Variants in CYB5RL observed in about 807,000 individuals in gnomAD.
The protein encoded by CYB5RL is NADH-cytochrome b5 reductase-like.
A neutral mutation model predicts 37.5 loss-of-function variants in CYB5RL; 38 were observed. That is an observed-to-expected ratio of 1.01 (90% CI 0.78 to 1.33). The LOEUF (loss-of-function observed/expected upper bound fraction) is 1.33. Ranked by LOEUF, CYB5RL falls within the 40% of genes most tolerant of loss-of-function variation. The pLI is 0.00. For synonymous variants in CYB5RL, 141 were observed against 151.9 expected (o/e 0.93, Z 0.53); for missense variants, 388 against 394.4 (o/e 0.98, Z 0.14).
rs1659935142 is a variant in CYB5RL at position 54,173,225 on chromosome 1, C to T, written c.*1394G>A. The T allele has an allele frequency of 6.6e-6, 1 of 152,124 alleles. No individual in the cohort carries two copies. Among genetic ancestry groups the T allele is most frequent in the African/African-American group, 2.4e-5 (1 of 41,432 alleles). The allele number at this position is 152,124 out of a possible 1,614,324, so 9.4% of individuals were successfully genotyped here. The stretch of plus-strand genomic sequence containing the variant: ...TGTGACACAGCAGAGAGATTTGTTG[C>T]CATTTTTTTTAGTGGCTAGGAAAAT... On this transcript the variant is annotated 3_prime_UTR_variant, in exon 8 of 8. Transcript: ENST00000534324.
At chr1:54,184,366 T>G (rs1281427760) in intron 5 of CYB5RL, 101 bp from the exon 6 acceptor site, 10 of 941,448 alleles carry the variant, frequency 1.1e-5, no homozygotes, top group Admixed American at 7.0e-5. Context: ...GCTAAGTGCT[T>G]CACATGTGTT....
chr1:54,187,526 C>T, intron 5 of CYB5RL, 126 bp downstream of exon 5: 1 of 842,118 alleles, frequency 1.2e-6, no homozygotes, highest in Non-Finnish European at 1.9e-6. Context: ...GACTTACTTC[C>T]CCAATTGCCT....
chr1:54,179,726 A>T (rs1660111026), intron 6 of CYB5RL, among the ~76,000 whole-genome samples: 1 of 152,048 alleles, frequency 6.6e-6, no homozygotes, highest in Admixed American at 6.6e-5. Context: ...TTTGCCAGGG[A>T]GGTCTTTACA....
At chr1:54,175,149 T>G (rs372108224) in intron 7 of CYB5RL, among the ~76,000 whole-genome samples, 1 of 152,200 alleles carries the variant, frequency 6.6e-6, no homozygotes, top group Non-Finnish European at 1.5e-5. Flanking sequence ...GTGGGACGGA[T>G]GTTTTCTCCC....
In CYB5RL at chr1:54,190,783, C is replaced by G; in HGVS notation, c.312G>C (p.Gln104His). ...RVRFALPGNS[Q>H]LGLRPGQHLI... ...GGTGCTGGCCGGGCCGCAGGCCAAG[C>G]TGGCTGTTCCCGGGTAGAGCAAACC... Residue 104 changes from glutamine (Q) to histidine (H), a missense_variant, in exon 4 of 8, where the codon CAG becomes CAC. Gln to His is a conservative substitution (Grantham distance 24). Coordinates refer to ENST00000534324, the MANE Select transcript of CYB5RL (RefSeq NM_001031672.4). The G allele has an allele frequency of 6.4e-7, 1 of 1,563,124 alleles. No individual in the cohort carries two copies. The highest frequency in any genetic ancestry group is 8.7e-7 in the Non-Finnish European group (1 of 1,153,808).
At chr1:54,177,240 A>C (rs1660043500) in intron 7 of CYB5RL, among the ~76,000 whole-genome samples, 1 of 152,044 alleles carries the variant, frequency 6.6e-6, no homozygotes, top group Non-Finnish European at 1.5e-5. Context: ...GAGACTCTTG[A>C]GGATGCTGCA....
At position 54,198,027 on chromosome 1, in the gene CYB5RL, C is replaced by CAAAA. The variant is rs575486117; in HGVS notation, c.-222-1540_-222-1537dup. On this transcript the variant is annotated intron_variant, in intron 1 of 7. Coordinates refer to ENST00000534324, the MANE Select transcript of CYB5RL (RefSeq NM_001031672.4). Reference sequence around the variant, plus strand: ...TGGGTGACAGAGTGAGACTCTGTCTCAAAAAAAAAAAAAAAAAAAAAAAAA... The same window carrying CAAAA: ...TGGGTGACAGAGTGAGACTCTGTCTCAAAAAAAAAAAAAAAAAAAAAAAAAAAAA... Among the ~76,000 whole-genome samples the CAAAA allele has an allele frequency of 1.1e-3, 84 of 78,498 alleles. 2 individuals are homozygous for CAAAA. Among genetic ancestry groups the CAAAA allele is most frequent in the African/African-American group, 4.2e-3 (73 of 17,410 alleles). The allele number at this position is 78,498 out of a possible 152,430, so 51.5% of individuals were successfully genotyped here.
chr1:54,198,348 T>C lies in CYB5RL; in HGVS notation c.-223+1628A>G, dbSNP rs2100491598. On this transcript the variant is annotated intron_variant, in intron 1 of 7. Transcript: ENST00000534324. ...TTTTCTTTCTTTCTTTTTTTTTTTT[T>C]TGAGACAAGAGTCTCGCTCTGTTGC... Among the ~76,000 whole-genome samples the C allele has an allele frequency of 1.3e-5, 2 of 151,760 alleles. 1 individual carries two copies. The highest frequency in any genetic ancestry group is 6.8e-3 in the Middle Eastern group (2 of 292).
At chr1:54,195,349 G>A (rs796234474) in intron 3 of CYB5RL, 70 bp downstream of exon 3, 4 of 1,446,216 alleles carry the variant, frequency 2.8e-6, no homozygotes, top group African/African-American at 1.4e-5. Context: ...CTTCCTAGAG[G>A]TGTGCTTTGC....
Position 54,171,011 on chromosome 1 carries a change from G to A in CYB5RL, c.*3608C>T, listed in dbSNP as rs139944893. 3,578 of 400,304 alleles carry A rather than the reference G, an allele frequency of 8.9e-3. 38 individuals are homozygous for A. Among genetic ancestry groups the A allele is most frequent in the Non-Finnish European group, 0.011 (2,146 of 195,438 alleles). The allele number at this position is 400,304 out of a possible 1,614,324, so 24.8% of individuals were successfully genotyped here. On this transcript the variant is annotated 3_prime_UTR_variant, in exon 8 of 8. Coordinates refer to ENST00000534324, the MANE Select transcript of CYB5RL (RefSeq NM_001031672.4). ...TGCTGAGCATCCTCCCCTGTTAGGG[G>A]TACAATGGGCCGGCCCTCATGCTCA... is the stretch of plus-strand genomic sequence containing the variant.
intron 6 of CYB5RL, 141 bp from the exon 7 acceptor site, chr1:54,179,493 C>CT: frequency 1.3e-6 from 1 of 787,224 alleles, no homozygotes; most frequent in Non-Finnish European, 2.0e-6. Flanking sequence ...TGTCCCCTCT[C>CT]TACCTCCTCC....
chr1:54,176,649 T>C (rs1660026870), intron 7 of CYB5RL, among the ~76,000 whole-genome samples: 1 of 152,238 alleles, frequency 6.6e-6, no homozygotes, highest in African/African-American at 2.4e-5. Flanking sequence ...ACCCACCAGA[T>C]GGGGCCTTGG....
At chr1:54,190,549 AG>A (rs1321598543) in intron 4 of CYB5RL, 198 bp downstream of exon 4, 7 of 677,240 alleles carry the variant, frequency 1.0e-5, no homozygotes, top group Admixed American at 2.8e-5. Flanking sequence ...ATGCTATTAA[AG>A]TGATTGTGTT....
chr1:54,187,651 C>G lies in CYB5RL; in HGVS notation c.435+1G>C. ...TGGAGCATCCTCAAGGGTCAACTCA[C>G]CTTAATTAACACTTCAAAGTATCCT... On this transcript the variant is annotated splice_donor_variant, in intron 5 of 7. Coordinates refer to ENST00000534324, the MANE Select transcript of CYB5RL (RefSeq NM_001031672.4). LOFTEE classifies it high-confidence loss of function. 1.2e-6 allele frequency: 2 copies of G among 1,613,908 alleles called. No homozygotes were observed. Among genetic ancestry groups the G allele is most frequent in the South Asian group, 2.2e-5 (2 of 91,066 alleles).
chr1:54,190,719 G>C, intron 4 of CYB5RL, 29 bp downstream of exon 4: 1 of 1,551,538 alleles, frequency 6.4e-7, no homozygotes, highest in Admixed American at 2.0e-5. Flanking sequence ...GGGCTGTGAA[G>C]CTTTGGTCCT....
At chr1:54,191,970 A>G (rs1436725300) in intron 3 of CYB5RL, among the ~76,000 whole-genome samples, 1 of 152,166 alleles carries the variant, frequency 6.6e-6, no homozygotes, top group Non-Finnish European at 1.5e-5. Context: ...TTCCTAGTCT[A>G]TAAAAAGGGC....
chr1:54,174,331 C>T lies in CYB5RL; in HGVS notation c.*288G>A, dbSNP rs1199237472. 34 of 425,702 alleles carry T rather than the reference C, an allele frequency of 8.0e-5. No homozygotes were observed. The South Asian group carries it at 8.2e-4, about 10-fold the overall frequency. The allele number at this position is 425,702 out of a possible 1,614,324, so 26.4% of individuals were successfully genotyped here. On this transcript the variant is annotated 3_prime_UTR_variant, in exon 8 of 8. Coordinates refer to ENST00000534324, the MANE Select transcript of CYB5RL (RefSeq NM_001031672.4). ...TACTCCTCCTGGGGCTCAGCCTGGACTTGGCTTCCTCTGAAGAGTCCTCCC... is the reference window on the plus strand; with the variant it reads ...TACTCCTCCTGGGGCTCAGCCTGGATTTGGCTTCCTCTGAAGAGTCCTCCC...
chr1:54,198,630 CTTT>C (rs145616563), intron 1 of CYB5RL, among the ~76,000 whole-genome samples: 14 of 103,928 alleles, frequency 1.3e-4, no homozygotes, highest in African/African-American at 3.2e-4. Flanking sequence ...CATGCCCGGC[CTTT>C]TTTTTTTTTT....
chr1:54,197,050 GAAGA>G (rs922516589), intron 1 of CYB5RL, among the ~76,000 whole-genome samples: 1 of 152,260 alleles, frequency 6.6e-6, no homozygotes, highest in African/African-American at 2.4e-5. Flanking sequence ...GAAGGCTCAA[GAAGA>G]AGTTGAGTTT....
Sources: allele counts gnomAD v4.1 joint callset (sites outside exome capture counted in the v4.1 genomes callset), GRCh38; gene constraint gnomAD v4.1.1; transcripts MANE v1.5; gene names NCBI Gene and HGNC (gene_info 2026-07-23, HGNC 2026-07-21).